METTL9: variants seen among roughly 807,000 people sequenced by gnomAD.
METTL9 encodes methyltransferase 9, His-X-His N1(pi)-histidine, also known as protein-L-histidine N-pros-methyltransferase.
A neutral mutation model predicts 36.0 loss-of-function variants in METTL9; 10 were observed. The observed-to-expected ratio is 0.28, with a 90% CI of 0.17 to 0.47. METTL9 has a LOEUF of 0.47. Among genes scored for constraint, METTL9 ranks in the 20% least tolerant of loss-of-function variants. The probability of loss-of-function intolerance (pLI) is 0.99; values close to 1 mark genes in which losing one functional copy is unlikely to be tolerated. For missense variants in METTL9, 246 were observed against 383.5 expected, an observed-to-expected ratio of 0.64 and a Z score of 3.00; for synonymous variants, 175 against 149.7, an observed-to-expected ratio of 1.17 and a Z score of -1.23.
chr16:21,636,141 G>A (rs1966085670), intron 4 of METTL9, among the ~76,000 whole-genome samples: 1 of 152,154 alleles, frequency 6.6e-6, no homozygotes, highest in African/African-American at 2.4e-5. Flanking sequence ...CCTGAGGGAG[G>A]GAAGGGATCT....
intron 4 of METTL9, chr16:21,626,956 C>T: frequency 1.0e-6 from 1 of 985,296 alleles, no homozygotes; most frequent in South Asian, 4.7e-5. Flanking sequence ...GGAAGTCAAA[C>T]TAGACAAGAG....
At chr16:21,647,465 A>G (rs975254774) in intron 4 of METTL9, 2 of 1,613,848 alleles carry the variant, frequency 1.2e-6, no homozygotes. Flanking sequence ...CGGTTGTGTG[A>G]CAGAGAGAGT....
intron 4 of METTL9, among the ~76,000 whole-genome samples, chr16:21,638,029 C>T (rs1351248207): frequency 6.6e-6 from 1 of 152,198 alleles, no homozygotes; most frequent in Admixed American, 6.5e-5. Context: ...CAGAAAGTTA[C>T]AGCTTAGGCT....
chr16:21,646,735 A>G (rs1042845445), intron 4 of METTL9: 3 of 297,050 alleles, frequency 1.0e-5, no homozygotes, highest in African/African-American at 6.6e-5. Context: ...GTTCACTGCA[A>G]CCTTCGCCTC....
intron 1 of METTL9, among the ~76,000 whole-genome samples, chr16:21,605,848 G>A (rs940265507): frequency 1.3e-5 from 2 of 152,062 alleles, no homozygotes; most frequent in African/African-American, 4.8e-5. Context: ...TAACTACCTG[G>A]AGTTAGGGTC....
At chr16:21,598,220 G>A (rs1223877294), upstream of METTL9, among the ~76,000 whole-genome samples, 3 of 151,966 alleles carry the variant, frequency 2.0e-5, no homozygotes, top group African/African-American at 7.3e-5. Flanking sequence ...ATGGTGGCGC[G>A]CACCCGTAGT....
chr16:21,629,286 T>A (rs1965887292), intron 4 of METTL9, among the ~76,000 whole-genome samples: 1 of 151,992 alleles, frequency 6.6e-6, no homozygotes, highest in Non-Finnish European at 1.5e-5. Flanking sequence ...AGGAGGTGAT[T>A]AGGATTAGAT....
chr16:21,607,080 ATT>A (rs781076160), intron 1 of METTL9, among the ~76,000 whole-genome samples: 6 of 144,682 alleles, frequency 4.1e-5, no homozygotes, highest in East Asian at 2.0e-4. Context: ...TTAATGAGAA[ATT>A]TTTTTTTTTT....
At chr16:21,628,163 T>C (rs1223609728) in intron 4 of METTL9, among the ~76,000 whole-genome samples, 1 of 152,230 alleles carries the variant, frequency 6.6e-6, no homozygotes, top group Non-Finnish European at 1.5e-5. Flanking sequence ...CCAGCACATA[T>C]GTCTCCACAT....
intron 3 of METTL9, among the ~76,000 whole-genome samples, chr16:21,621,641 T>G (rs1156922245): frequency 6.6e-6 from 1 of 152,028 alleles, no homozygotes; most frequent in Non-Finnish European, 1.5e-5. Context: ...TTTCTGCATT[T>G]CAAAAATAGG....
At chr16:21,633,645 A>G (rs1966017635) in intron 4 of METTL9, among the ~76,000 whole-genome samples, 1 of 152,154 alleles carries the variant, frequency 6.6e-6, no homozygotes, top group African/African-American at 2.4e-5. Flanking sequence ...GTACAACTGG[A>G]TATAGAGGAA....
At chr16:21,621,105 G>A (rs1162966023) in intron 3 of METTL9, among the ~76,000 whole-genome samples, 1 of 151,964 alleles carries the variant, frequency 6.6e-6, no homozygotes, top group Non-Finnish European at 1.5e-5. Flanking sequence ...CAGTAGCTGG[G>A]ACTACAGGTG....
At chr16:21,644,332 G>C (rs761701408) in intron 4 of METTL9, 3 of 1,613,972 alleles carry the variant, frequency 1.9e-6, no homozygotes, top group South Asian at 2.2e-5. Flanking sequence ...CGGTCACATA[G>C]ACAGAGAGCA....
At chr16:21,643,438 T>C in intron 4 of METTL9, 6 of 717,620 alleles carry the variant, frequency 8.4e-6, no homozygotes, top group Non-Finnish European at 9.2e-6. Flanking sequence ...TACCTTGATA[T>C]TCTGTTTAAA....
At chr16:21,652,597 A>G in intron 4 of METTL9, 1 of 1,608,782 alleles carries the variant, frequency 6.2e-7, no homozygotes, top group Non-Finnish European at 8.5e-7. Flanking sequence ...CGCAGTCCCC[A>G]TTTCTGTGTA....
At chr16:21,607,423 G>A (rs754098204) in intron 1 of METTL9, among the ~76,000 whole-genome samples, 4 of 152,132 alleles carry the variant, frequency 2.6e-5, no homozygotes, top group Non-Finnish European at 4.4e-5. Context: ...TTCGGTTGGC[G>A]AATACTGTCA....
At chr16:21,603,431 A>C (rs1965189798) in intron 1 of METTL9, among the ~76,000 whole-genome samples, 1 of 152,194 alleles carries the variant, frequency 6.6e-6, no homozygotes, top group Non-Finnish European at 1.5e-5. Flanking sequence ...GAGCCACTGC[A>C]ACCAGCCTCC....
rs1053231325 is a variant in METTL9, at chr16:21,655,019, A to G, written c.752-208A>G. ...CATACTGACACTCATTAACCTTGCA[A>G]GCGTGGGCAAGTTCTTCACCCCTTC... is the stretch of plus-strand genomic sequence containing the variant. On this transcript the variant is annotated intron_variant, in intron 4 of 4. Coordinates refer to ENST00000358154, the MANE Select transcript of METTL9 (RefSeq NM_016025.5). 19 of 583,914 alleles carry G rather than the reference A, an allele frequency of 3.3e-5. No homozygotes were observed. The highest frequency in any genetic ancestry group is 5.5e-5 in the Non-Finnish European group (18 of 327,322). The allele number at this position is 583,914 out of a possible 1,614,324, so 36.2% of individuals were successfully genotyped here. A position where few individuals can be genotyped will look rare whatever the true frequency, so the allele number is the denominator to read the frequency against.
intron 4 of METTL9, among the ~76,000 whole-genome samples, chr16:21,628,447 TA>T (rs955628181): frequency 3.3e-5 from 5 of 152,138 alleles, no homozygotes; most frequent in Non-Finnish European, 7.3e-5. Flanking sequence ...TAGTAATGTT[TA>T]AAAACAAAAC....
Sources: allele counts gnomAD v4.1 joint callset (sites outside exome capture counted in the v4.1 genomes callset), GRCh38; gene constraint gnomAD v4.1.1; transcripts MANE v1.5; gene names NCBI Gene and HGNC (gene_info 2026-07-23, HGNC 2026-07-21).